The following GNG7 variants were observed in gnomAD, a reference collection of about 807,000 sequenced individuals.
The protein encoded by GNG7 is guanine nucleotide-binding protein G(I)/G(S)/G(O) subunit gamma-7.
Under a neutral mutation model 4.0 loss-of-function variants are expected in GNG7, and 1 was observed. The observed-to-expected ratio is 0.25, with a 90% confidence interval of 0.09 to 1.18. GNG7 has a LOEUF of 1.18. Among genes scored for constraint, GNG7 ranks in the 50% most tolerant of loss-of-function variants. The probability of loss-of-function intolerance (pLI) is 0.50; values close to 1 mark genes in which losing one functional copy is unlikely to be tolerated. For synonymous variants in GNG7, 34 were observed against 36.9 expected (o/e 0.92, Z 0.29); for missense variants, 86 against 91.9 (o/e 0.94, Z 0.26).
At chr19:2,651,245 T>TTCC (rs1441597764) in intron 1 of GNG7, among the ~76,000 whole-genome samples, 5,789 of 87,162 alleles carry the variant, frequency 0.066, 341 homozygotes, top group Admixed American at 0.15. Flanking sequence ...CCTTCCTTCC[T>TTCC]TTCCTTCCTT....
intron 2 of GNG7, among the ~76,000 whole-genome samples, chr19:2,587,495 G>A (rs995415215): frequency 1.3e-5 from 2 of 152,148 alleles, no homozygotes; most frequent in Admixed American, 6.5e-5. Flanking sequence ...GAGATCTAGC[G>A]CCTGGGATGG....
intron 3 of GNG7, among the ~76,000 whole-genome samples, chr19:2,554,510 T>C (rs1359295927): frequency 1.3e-5 from 2 of 148,920 alleles, no homozygotes; most frequent in African/African-American, 2.4e-5. Context: ...TGTATACATA[T>C]ATATAGGTAT....
chr19:2,693,700 G>A (rs929445446), intron 1 of GNG7, among the ~76,000 whole-genome samples: 1 of 152,130 alleles, frequency 6.6e-6, no homozygotes, highest in East Asian at 1.9e-4. Context: ...AGCAGCCCCG[G>A]TTGTGACAGC....
intron 1 of GNG7, among the ~76,000 whole-genome samples, chr19:2,665,360 CT>C (rs940206599): frequency 6.5e-5 from 6 of 92,010 alleles, no homozygotes; most frequent in African/African-American, 1.6e-4. Flanking sequence ...CCAGTGTCCC[CT>C]GGGGGGGGGG....
At chr19:2,560,514 C>T (rs1979708876) in intron 2 of GNG7, among the ~76,000 whole-genome samples, 1 of 152,190 alleles carries the variant, frequency 6.6e-6, no homozygotes, top group Non-Finnish European at 1.5e-5. Context: ...CCAGGGGACC[C>T]TGGGCGGTGG....
Position 2,686,647 on chromosome 19 carries a change from C to A in GNG7, c.-135+15999G>T, listed in dbSNP as rs7259187. 2.6e-5 allele frequency among the ~76,000 whole-genome samples: 4 copies of A among 152,052 alleles called. No homozygotes were observed. The South Asian group carries it at 6.2e-4, about 24-fold the overall frequency. ...CTCCTGAGCTCTCTTCAGTGTTTGC[C>A]GCCAAGATGGGGAAGACGACGAGTT... On this transcript the variant is annotated intron_variant, in intron 1 of 4. Coordinates refer to ENST00000382159, the MANE Select transcript of GNG7 (RefSeq NM_052847.3).
chr19:2,551,245 G>C (rs1042396608), intron 3 of GNG7, among the ~76,000 whole-genome samples: 1 of 152,212 alleles, frequency 6.6e-6, no homozygotes, highest in Non-Finnish European at 1.5e-5. Flanking sequence ...CTCCCGGTCA[G>C]AAAACAGGAG....
chr19:2,552,950 A>C lies in GNG7; in HGVS notation c.-38+2199T>G, dbSNP rs77822011. 1.8e-3 allele frequency among the ~76,000 whole-genome samples: 280 copies of C among 151,368 alleles called. 2 individuals carry two copies. Among genetic ancestry groups the C allele is most frequent in the Non-Finnish European group, 3.4e-3 (229 of 67,914 alleles). On this transcript the variant is annotated intron_variant, in intron 3 of 4. Transcript: ENST00000382159. Reference sequence around the variant, plus strand: ...GGACTGCTGCCTTAAGGAACCAGAAAAGGAAGAACGAAGGCAGCCCCAAGC... The same window carrying C: ...GGACTGCTGCCTTAAGGAACCAGAACAGGAAGAACGAAGGCAGCCCCAAGC...
intron 1 of GNG7, among the ~76,000 whole-genome samples, chr19:2,676,549 C>T (rs943762172): frequency 2.6e-5 from 4 of 152,158 alleles, no homozygotes; most frequent in Admixed American, 1.3e-4. Context: ...GGAACTGGGA[C>T]CACAGGCGCG....
Position 2,557,207 on chromosome 19 carries a change from G to GCA in GNG7, c.-77-2021_-77-2020dup, listed in dbSNP as rs568886747. ...AAGACACGTGCACACACATTTGCAT[G>GCA]CACACACAGACACACATGCACACAC... On this transcript the variant is annotated intron_variant, in intron 2 of 4. Transcript: ENST00000382159. The surrounding 1 kb of genome is among the most constrained non-coding windows in gnomAD (Gnocchi z 5.1). 1.0e-4 allele frequency among the ~76,000 whole-genome samples: 15 copies of GCA among 150,092 alleles called. No homozygotes were observed. Among genetic ancestry groups the GCA allele is most frequent in the Non-Finnish European group, 5.9e-5 (4 of 67,608 alleles).
At position 2,664,679 on chromosome 19, in the gene GNG7, C is replaced by T. The variant is rs1333977248; in HGVS notation, c.-134-18399G>A. ...CTGGGAGGATGGCCCCGGCTGACAC[C>T]GTCTGCCCCATCGGGAATCTATTCT... On this transcript the variant is annotated intron_variant, in intron 1 of 4. Coordinates refer to ENST00000382159, the MANE Select transcript of GNG7 (RefSeq NM_052847.3). Among the ~76,000 whole-genome samples, 5 of 152,204 alleles carry T rather than the reference C, an allele frequency of 3.3e-5. No homozygotes were observed. In the South Asian group the frequency reaches 6.2e-4, roughly 19 times the overall value.
chr19:2,536,406 G>A (rs529982700), intron 3 of GNG7, among the ~76,000 whole-genome samples: 9 of 149,072 alleles, frequency 6.0e-5, no homozygotes, highest in Admixed American at 4.0e-4. Context: ...CAACAGGAGC[G>A]AAACTCCATC....
chr19:2,577,092 C>T (rs1415300219), intron 2 of GNG7, among the ~76,000 whole-genome samples: 1 of 152,250 alleles, frequency 6.6e-6, no homozygotes, highest in Non-Finnish European at 1.5e-5. Flanking sequence ...ACAAGGTCCA[C>T]CTCGCAAGCT....
At chr19:2,564,963 G>T (rs911172112) in intron 2 of GNG7, among the ~76,000 whole-genome samples, 2 of 151,994 alleles carry the variant, frequency 1.3e-5, no homozygotes, top group African/African-American at 4.8e-5. Context: ...GGCTGAGGCA[G>T]GAGGACCACT....
intron 3 of GNG7, among the ~76,000 whole-genome samples, chr19:2,545,446 G>A (rs1398040217): frequency 7.2e-5 from 11 of 151,740 alleles, no homozygotes; most frequent in Admixed American, 6.6e-4. Flanking sequence ...TCAGGGGTTC[G>A]AGACCAGCCT....
chr19:2,553,280 C>A (rs1158822482), intron 3 of GNG7, among the ~76,000 whole-genome samples: 2 of 151,096 alleles, frequency 1.3e-5, no homozygotes, highest in South Asian at 4.2e-4. Flanking sequence ...GTAATCTACA[C>A]GAAATGGACA....
At chr19:2,621,184 G>A (rs1387415394) in intron 2 of GNG7, among the ~76,000 whole-genome samples, 1 of 152,104 alleles carries the variant, frequency 6.6e-6, no homozygotes, top group Non-Finnish European at 1.5e-5. Flanking sequence ...CTTGTCCACG[G>A]GGAACCTCGG....
chr19:2,600,395 G>A (rs1043806667), intron 2 of GNG7, among the ~76,000 whole-genome samples: 5 of 151,462 alleles, frequency 3.3e-5, no homozygotes, highest in Admixed American at 2.0e-4. Context: ...GATATCAAAC[G>A]TCATGCAACC....
intron 2 of GNG7, among the ~76,000 whole-genome samples, chr19:2,627,807 A>T (rs1244324251): frequency 6.6e-6 from 1 of 152,160 alleles, no homozygotes; most frequent in East Asian, 1.9e-4. Flanking sequence ...TCAGTGTCCT[A>T]TGGTGTCACT....
Sources: allele counts gnomAD v4.1 joint callset (sites outside exome capture counted in the v4.1 genomes callset), GRCh38; gene constraint gnomAD v4.1.1; non-coding constraint Gnocchi (gnomAD v3.1); transcripts MANE v1.5; gene names NCBI Gene and HGNC (gene_info 2026-07-23, HGNC 2026-07-21).